ATP2B2: variants seen among roughly 807,000 people sequenced by gnomAD.
ATP2B2 encodes the protein plasma membrane calcium-transporting ATPase 2.
Under a neutral mutation model 120.0 loss-of-function variants are expected in ATP2B2, and 15 were observed. The ratio of observed to expected loss-of-function variants is 0.12; its 90% CI spans 0.08 to 0.19. The LOEUF (loss-of-function observed/expected upper bound fraction) is 0.19, where lower values mean the gene tolerates loss of function less well. ATP2B2 is among the 10% of genes least tolerant of loss of function. The probability of loss-of-function intolerance (pLI) is 1.00; values close to 1 mark genes in which losing one functional copy is unlikely to be tolerated. For synonymous variants in ATP2B2, 694 were observed against 700.3 expected (o/e 0.99, Z 0.14); for missense variants, 1,045 against 1,719.8 (o/e 0.61, Z 6.94).
chr3:10,524,728 T>C (rs116135336), intron 3 of ATP2B2, among the ~76,000 whole-genome samples: 1,620 of 152,292 alleles, frequency 0.011, 25 homozygotes, highest in African/African-American at 0.036. Flanking sequence ...TTTCCCCATG[T>C]TGGGGCAAGG....
intron 2 of ATP2B2, among the ~76,000 whole-genome samples, chr3:10,568,374 C>T (rs1276409672): frequency 6.6e-6 from 1 of 152,154 alleles, no homozygotes; most frequent in Non-Finnish European, 1.5e-5. Flanking sequence ...CTTTTAGGCA[C>T]CTGGTAGGAT....
At chr3:10,582,906 C>T in intron 2 of ATP2B2, among the ~76,000 whole-genome samples, 1 of 152,218 alleles carries the variant, frequency 6.6e-6, no homozygotes. Flanking sequence ...GATTGCTTAC[C>T]CTGGCAGTTC....
At chr3:10,353,532 T>A (rs899603605) in intron 14 of ATP2B2, among the ~76,000 whole-genome samples, 10 of 152,026 alleles carry the variant, frequency 6.6e-5, no homozygotes, top group African/African-American at 2.4e-4. Flanking sequence ...AGGGAAGATG[T>A]GGGGTAGGGA....
intron 11 of ATP2B2, among the ~76,000 whole-genome samples, chr3:10,373,115 G>T (rs113766386): frequency 6.6e-6 from 1 of 152,152 alleles, no homozygotes; most frequent in Non-Finnish European, 1.5e-5. Context: ...AATAATAAAC[G>T]CACGTTGAAT....
intron 3 of ATP2B2, among the ~76,000 whole-genome samples, chr3:10,524,763 T>C (rs1210222280): frequency 6.6e-6 from 1 of 152,164 alleles, no homozygotes; most frequent in Non-Finnish European, 1.5e-5. Flanking sequence ...AGAGGTTAAG[T>C]AACCTCTCCT....
intron 2 of ATP2B2, among the ~76,000 whole-genome samples, chr3:10,563,245 A>G (rs951868220): frequency 5.3e-5 from 8 of 152,248 alleles, no homozygotes; most frequent in African/African-American, 1.9e-4. Flanking sequence ...CAGATGAGGA[A>G]ACTGAAGCCC....
At position 10,338,377 on chromosome 3, in the gene ATP2B2, G is replaced by T; in HGVS notation, c.3238-19C>A. The T allele has an allele frequency of 6.2e-7, 1 of 1,614,114 alleles. No individual in the cohort carries two copies. Among genetic ancestry groups the T allele is most frequent in the Non-Finnish European group, 8.5e-7 (1 of 1,180,036 alleles). On this transcript the variant is annotated intron_variant, in intron 21 of 22. Transcript: ENST00000360273. ...CGATGACCTGCAAGGGACCCTGTCT[G>T]TCAGGACGGTGGGGCTGTCCTTCCC...
At chr3:10,483,972 G>A (rs1411781069) in intron 1 of ATP2B2, among the ~76,000 whole-genome samples, 1 of 152,178 alleles carries the variant, frequency 6.6e-6, no homozygotes, top group African/African-American at 2.4e-5. Flanking sequence ...GAAGAACAAA[G>A]AAAGATGCCC....
intron 1 of ATP2B2, among the ~76,000 whole-genome samples, chr3:10,684,450 T>A (rs59498265): frequency 1.3e-5 from 2 of 152,216 alleles, no homozygotes; most frequent in Non-Finnish European, 2.9e-5. Flanking sequence ...AATCCCTTTC[T>A]TGCTTAAACT....
In ATP2B2 at chr3:10,620,817, G is replaced by T. The variant is rs145900805; in HGVS notation, c.-459-856C>A. 3.9e-4 allele frequency among the ~76,000 whole-genome samples: 60 copies of T among 152,272 alleles called. 1 individual carries two copies. The East Asian group carries it at 9.7e-3, about 25-fold the overall frequency. On this transcript the variant is annotated intron_variant, in intron 1 of 21. Coordinates refer to the ATP2B2 transcript ENST00000646379. ...AAGCCAGAGGGAGAGGGAGCCCATT[G>T]GTGCAGCCCCTACCAGCCACCTCCC...
chr3:10,372,202 C>T (rs1219474649), intron 11 of ATP2B2, 151 bp from the exon 12 acceptor site: 16 of 1,066,546 alleles, frequency 1.5e-5, no homozygotes, highest in Non-Finnish European at 2.1e-5. Flanking sequence ...ATCTTGGTTG[C>T]TGCTGCCTCC....
At chr3:10,482,608 C>T (rs934521434) in intron 1 of ATP2B2, among the ~76,000 whole-genome samples, 1 of 152,204 alleles carries the variant, frequency 6.6e-6, no homozygotes, top group Non-Finnish European at 1.5e-5. Context: ...CACAGGTGGT[C>T]TCCCTGACCT....
At chr3:10,682,912 G>A (rs993102370) in intron 1 of ATP2B2, among the ~76,000 whole-genome samples, 1 of 152,218 alleles carries the variant, frequency 6.6e-6, no homozygotes, top group Admixed American at 6.5e-5. Flanking sequence ...AAGGTCAGAA[G>A]AGGAGGCAAA....
chr3:10,509,921 G>A (rs560198067), upstream of ATP2B2, among the ~76,000 whole-genome samples: 9 of 152,264 alleles, frequency 5.9e-5, no homozygotes, highest in East Asian at 1.7e-3. Flanking sequence ...TTTTTCATCT[G>A]CAAAATGGGT....
intron 2 of ATP2B2, among the ~76,000 whole-genome samples, chr3:10,430,158 C>A (rs1472515633): frequency 4.6e-5 from 7 of 152,214 alleles, no homozygotes; most frequent in African/African-American, 1.4e-4. Context: ...TGGAGATGTG[C>A]AAGGAGATAA....
intron 12 of ATP2B2, among the ~76,000 whole-genome samples, chr3:10,361,195 A>G (rs958196075): frequency 6.6e-6 from 1 of 152,160 alleles, no homozygotes; most frequent in Non-Finnish European, 1.5e-5. Flanking sequence ...TTGAATGTCA[A>G]AAATGGTCAA....
At position 10,340,529 on chromosome 3, in the gene ATP2B2, G is replaced by C; in HGVS notation, c.3093C>G (p.Ile1031Met). The change falls in exon 20 of 23, where the codon ATC (isoleucine) becomes ATG (methionine). Residue 1031 changes from isoleucine (I) to methionine (M), a missense_variant. Transcript: ENST00000360273. The surrounding 1 kb of genome is among the most constrained non-coding windows in gnomAD (Gnocchi z 5.0). ...NVFDGIFRNP[I>M]FCTIVLGTFA... is the part of the protein sequence containing the mutation. ...AGGTGCCCAGCACGATGGTGCAGAA[G>C]ATGGGGTTCCGGAAGATGCCGTCAA... 6.2e-7 allele frequency: 1 copy of C among 1,614,268 alleles called. No individual in the cohort carries two copies.
At chr3:10,384,536 A>G (rs754206973) in intron 8 of ATP2B2, among the ~76,000 whole-genome samples, 48 of 152,286 alleles carry the variant, frequency 3.2e-4, no homozygotes, top group Non-Finnish European at 5.1e-4. Flanking sequence ...GGGCAAGTGA[A>G]TGGAACTCCT....
intron 2 of ATP2B2, among the ~76,000 whole-genome samples, chr3:10,561,900 C>T (rs2067911222): frequency 6.6e-6 from 1 of 152,138 alleles, no homozygotes; most frequent in South Asian, 2.1e-4. Context: ...TAGGCTAGTA[C>T]AGTCACAGAG....
Sources: gnomAD v4.1 joint callset for allele counts (sites outside exome capture counted in the v4.1 genomes callset) on GRCh38, gnomAD v4.1.1 for gene constraint, Gnocchi (gnomAD v3.1) non-coding constraint, MANE v1.5 for transcripts, NCBI Gene and HGNC (gene_info 2026-07-23, HGNC 2026-07-21) for gene names.